The following PTGER4 variants were observed in gnomAD, a reference collection of about 807,000 sequenced individuals.
The protein encoded by PTGER4 is prostaglandin E2 receptor EP4 subtype.
PTGER4 carries 11 observed loss-of-function variants against 33.2 expected under a neutral mutation model. That is an observed-to-expected ratio of 0.33 (90% confidence interval 0.21 to 0.55). PTGER4 has a LOEUF of 0.55. Among genes scored for constraint, PTGER4 ranks in the 20% least tolerant of loss-of-function variants. PTGER4 has a pLI of 0.92. For missense variants in PTGER4, 481 were observed against 650.2 expected, an observed-to-expected ratio of 0.74 and a Z score of 2.83; for synonymous variants, 275 against 281.5, an observed-to-expected ratio of 0.98 and a Z score of 0.23.
rs564179585 is a variant in PTGER4 at position 40,691,735 on chromosome 5, A to G, written c.868-44A>G. 105 of 1,568,630 alleles carry G rather than the reference A, an allele frequency of 6.7e-5. 1 individual carries two copies. In the South Asian group the frequency reaches 9.0e-4, roughly 13 times the overall value. Reference sequence around the variant, plus strand: ...GACATAGCATTTATATGTTTTCCCAATTGATTAATGATGAAATCTAAATGT... The same window carrying G: ...GACATAGCATTTATATGTTTTCCCAGTTGATTAATGATGAAATCTAAATGT... On this transcript the variant is annotated intron_variant, in intron 2 of 2. Transcript: ENST00000302472. The surrounding 1 kb of genome is among the most constrained non-coding windows in gnomAD (Gnocchi z 4.2).
Position 40,681,584 on chromosome 5 carries a change from C to T in PTGER4, c.591C>T (p.Leu197=). 1.2e-6 allele frequency: 2 copies of T among 1,609,774 alleles called. No homozygotes were observed. Among genetic ancestry groups the T allele is most frequent in the Non-Finnish European group, 1.7e-6 (2 of 1,180,018 alleles). The change falls in exon 2 of 3, where the codon CTC becomes CTT. Residue 197 remains leucine (L), a synonymous_variant. Transcript: ENST00000302472. This position sits in a 1 kb window ranked among gnomAD's most constrained non-coding sequence, Gnocchi z 9.8. ...MYAGFSSFLI[L]ATVLCNVLVC... is the part of the protein sequence containing the mutation. ...CGGGCTTCAGCTCCTTCCTCATTCT[C>T]GCCACCGTCCTCTGCAACGTGCTTG... is the stretch of plus-strand genomic sequence containing the variant.
the PTGER4 span, among the ~76,000 whole-genome samples, chr5:40,741,557 G>T: frequency 1.3e-5 from 2 of 152,178 alleles, no homozygotes; most frequent in East Asian, 1.9e-4. Context: ...CTCTTCTCTG[G>T]TACTCTACTC....
chr5:40,693,046 T>C lies in PTGER4; in HGVS notation c.*668T>C. The stretch of plus-strand genomic sequence containing the variant: ...TAAATTTTTAAGAGAAAGAATTTAG[T>C]ATTATCAAAGGGATAAAGAAAAAAA... On this transcript the variant is annotated 3_prime_UTR_variant, in exon 3 of 3. Transcript: ENST00000302472. 1.1e-6 allele frequency: 1 copy of C among 904,304 alleles called. No homozygotes were observed. Among genetic ancestry groups the C allele is most frequent in the Non-Finnish European group, 1.3e-6 (1 of 755,900 alleles). The allele number at this position is 904,304 out of a possible 1,614,324, so 56.0% of individuals were successfully genotyped here. A position where few individuals can be genotyped will look rare whatever the true frequency, so the allele number is the denominator to read the frequency against.
At chr5:40,717,653 G>A in the PTGER4 span, among the ~76,000 whole-genome samples, 1 of 152,178 alleles carries the variant, frequency 6.6e-6, no homozygotes, top group Non-Finnish European at 1.5e-5. Flanking sequence ...ATGTTCTCTG[G>A]GGGTAAAACT....
At chr5:40,698,586 T>C (rs1184914755), downstream of PTGER4, among the ~76,000 whole-genome samples, 1 of 152,098 alleles carries the variant, frequency 6.6e-6, no homozygotes, top group Non-Finnish European at 1.5e-5. Flanking sequence ...ACAACCACTT[T>C]GAAAAGTGAA....
chr5:40,681,530 G>A lies in PTGER4; in HGVS notation c.537G>A (p.Thr179=), dbSNP rs985761544. The change falls in exon 2 of 3, where the codon ACG becomes ACA. Residue 179 remains threonine (T), a synonymous_variant. Transcript: ENST00000302472. The surrounding 1 kb of genome is among the most constrained non-coding windows in gnomAD (Gnocchi z 9.8). ...WCFIDWTTNV[T]AHAAYSYMYA... is the part of the protein sequence containing the mutation. ...TCATCGACTGGACCACCAACGTGAC[G>A]GCGCACGCCGCCTACTCCTACATGT... is the stretch of plus-strand genomic sequence containing the variant. 5 of 1,612,752 alleles carry A rather than the reference G, an allele frequency of 3.1e-6. No homozygotes were observed. Among genetic ancestry groups the A allele is most frequent in the Non-Finnish European group, 4.2e-6 (5 of 1,180,032 alleles).
intron 2 of PTGER4, among the ~76,000 whole-genome samples, chr5:40,684,430 A>G (rs941041484): frequency 2.0e-5 from 3 of 152,160 alleles, no homozygotes; most frequent in African/African-American, 4.8e-5. Context: ...GTTTACTTGG[A>G]ATTTCAGAAA....
chr5:40,681,646 T>C lies in PTGER4; in HGVS notation c.653T>C (p.Met218Thr). 1.3e-6 allele frequency: 2 copies of C among 1,599,818 alleles called. No homozygotes were observed. The highest frequency in any genetic ancestry group is 1.1e-5 in the South Asian group (1 of 90,584). ...CTGCTCCGCATGCACCGCCAGTTCA[T>C]GCGCCGCACCTCGCTGGGCACCGAG... Reference protein sequence around the residue: ...GALLRMHRQFMRRTSLGTEQH... With the variant: ...GALLRMHRQFTRRTSLGTEQH... The change falls in exon 2 of 3, where the codon ATG becomes ACG. Residue 218 changes from methionine (M) to threonine (T), a missense_variant. Physicochemically the swap from Met to Thr is moderately conservative, Grantham distance 81. This residue lies in a region of PTGER4 where 174 missense variants were observed against 210.5 expected (regional missense o/e 0.83). Coordinates refer to ENST00000302472, the MANE Select transcript of PTGER4 (RefSeq NM_000958.3). The surrounding 1 kb of genome is among the most constrained non-coding windows in gnomAD (Gnocchi z 9.8).
chr5:40,698,740 C>G, the PTGER4 span, among the ~76,000 whole-genome samples: 2 of 152,200 alleles, frequency 1.3e-5, no homozygotes, highest in South Asian at 4.1e-4. Context: ...AGGGAGACAA[C>G]TAATTATTTT....
downstream of PTGER4, chr5:40,696,668 C>T: frequency 1.0e-6 from 1 of 984,996 alleles, no homozygotes; most frequent in Non-Finnish European, 1.2e-6. Context: ...AACCCCATTT[C>T]CCACCATGGA....
chr5:40,740,262 C>A, the PTGER4 span, among the ~76,000 whole-genome samples: 1 of 151,086 alleles, frequency 6.6e-6, no homozygotes, highest in Non-Finnish European at 1.5e-5. Flanking sequence ...TTTACTTAGA[C>A]ACAAATTTCT....
the PTGER4 span, chr5:40,730,299 G>A: frequency 1.2e-5 from 20 of 1,612,080 alleles, no homozygotes; most frequent in Non-Finnish European, 1.6e-5. Flanking sequence ...ATCATTTGGA[G>A]TTAACTGTAG....
At chr5:40,724,985 TAC>T in the PTGER4 span, among the ~76,000 whole-genome samples, 1 of 151,610 alleles carries the variant, frequency 6.6e-6, no homozygotes, top group Non-Finnish European at 1.5e-5. Flanking sequence ...TAGCTGGAAC[TAC>T]AGGCACACAC....
chr5:40,686,987 A>G (rs1257196446), intron 2 of PTGER4, among the ~76,000 whole-genome samples: 1 of 152,176 alleles, frequency 6.6e-6, no homozygotes, highest in African/African-American at 2.4e-5. Context: ...AAAAAGACTT[A>G]AAATTGGAAG....
chr5:40,711,085 G>GTATATATATATATA, the PTGER4 span, among the ~76,000 whole-genome samples: 16 of 150,230 alleles, frequency 1.1e-4, no homozygotes, highest in African/African-American at 3.7e-4. Flanking sequence ...ATAAAAATAT[G>GTATATATATATATA]TATATATATA....
At position 40,681,059 on chromosome 5, in the gene PTGER4, C is replaced by G. The variant is rs1203520625; in HGVS notation, c.66C>G (p.Thr22=). Reference sequence around the variant, plus strand: ...CCGACCGGCTGAACAGCCCAGTGACCATCCCGGCGGTGATGTTCATCTTCG... The same window carrying G: ...CCGACCGGCTGAACAGCCCAGTGACGATCCCGGCGGTGATGTTCATCTTCG... The part of the protein sequence containing the change: ...LSPDRLNSPV[T]IPAVMFIFGV... The change falls in exon 2 of 3, where the codon ACC becomes ACG. Residue 22 remains threonine (T), a synonymous_variant. Transcript: ENST00000302472. The surrounding 1 kb of genome is among the most constrained non-coding windows in gnomAD (Gnocchi z 9.8). 17 of 1,614,088 alleles carry G rather than the reference C, an allele frequency of 1.1e-5. No individual in the cohort carries two copies. Among genetic ancestry groups the G allele is most frequent in the Non-Finnish European group, 1.3e-5 (15 of 1,180,030 alleles).
At position 40,691,414 on chromosome 5, in the gene PTGER4, T is replaced by C. The variant is rs183747351; in HGVS notation, c.868-365T>C. Among the ~76,000 whole-genome samples, 1 of 152,338 alleles carries C rather than the reference T, an allele frequency of 6.6e-6. No homozygotes were observed. Among genetic ancestry groups the C allele is most frequent in the Non-Finnish European group, 1.5e-5 (1 of 68,022 alleles). ...CCAGGAGGTTCTCAATCTCTTGACC[T>C]AGTGATCCGCCTACCTCGGCCTACC... On this transcript the variant is annotated intron_variant, in intron 2 of 2. Coordinates refer to ENST00000302472, the MANE Select transcript of PTGER4 (RefSeq NM_000958.3). This position sits in a 1 kb window ranked among gnomAD's most constrained non-coding sequence, Gnocchi z 4.2.
chr5:40,733,291 A>G, the PTGER4 span, among the ~76,000 whole-genome samples: 1 of 152,168 alleles, frequency 6.6e-6, no homozygotes, highest in South Asian at 2.1e-4. Context: ...CTCTAGAGCA[A>G]GGGGTGGCAT....
rs1579639596 is a variant in PTGER4 at position 40,680,285 on chromosome 5, A to T, written c.-237A>T. 1 of 152,582 alleles carries T rather than the reference A, an allele frequency of 6.6e-6. No homozygotes were observed. Among genetic ancestry groups the T allele is most frequent in the Admixed American group, 6.5e-5 (1 of 15,290 alleles). 9.5% of individuals were successfully genotyped at this position (152,582 alleles called of 1,614,324 possible). The stretch of plus-strand genomic sequence containing the variant: ...CATCCCGCTGCACCTCTTGTTTCCC[A>T]AGTTTTTGAAAGCTGGCAACTCTGA... On this transcript the variant is annotated 5_prime_UTR_variant, in exon 1 of 3. Coordinates refer to ENST00000302472, the MANE Select transcript of PTGER4 (RefSeq NM_000958.3). The surrounding 1 kb of genome is among the most constrained non-coding windows in gnomAD (Gnocchi z 5.5).
Sources: gnomAD v4.1 joint callset for allele counts (sites outside exome capture counted in the v4.1 genomes callset) on GRCh38, gnomAD v4.1.1 for gene constraint, gnomAD v4.1.1 regional missense constraint, Gnocchi (gnomAD v3.1) non-coding constraint, MANE v1.5 for transcripts, NCBI Gene and HGNC (gene_info 2026-07-23, HGNC 2026-07-21) for gene names.